The following FRMPD1 variants were observed in gnomAD, a reference collection of about 807,000 sequenced individuals.
The protein encoded by FRMPD1 is FERM and PDZ domain containing 1, also known as FERM and PDZ domain-containing protein 1.
Under a neutral mutation model 117.8 loss-of-function variants are expected in FRMPD1, and 76 were observed. That is an observed-to-expected ratio of 0.65 (90% CI 0.54 to 0.78). The LOEUF (loss-of-function observed/expected upper bound fraction) is 0.78. Ranked by LOEUF, FRMPD1 falls within the 30% of genes least tolerant of loss-of-function variation. FRMPD1 has a pLI of 0.00. For missense variants in FRMPD1, 1,786 were observed against 1,964.5 expected, an observed-to-expected ratio of 0.91 and a Z score of 1.72; for synonymous variants, 783 against 770.4, an observed-to-expected ratio of 1.02 and a Z score of -0.27.
In FRMPD1 at chr9:37,740,027, C is replaced by A. The variant is rs745750787; in HGVS notation, c.1550-51C>A. On this transcript the variant is annotated intron_variant, in intron 14 of 15. Transcript: ENST00000377765. This position sits in a 1 kb window ranked among gnomAD's most constrained non-coding sequence, Gnocchi z 4.2. ...TGGGGGTCAGGGGGCTAGAAGGACA[C>A]ATAGGTAGGAGAATTCTGTTGTGTA... 4 of 1,346,690 alleles carry A rather than the reference C, an allele frequency of 3.0e-6. No individual in the cohort carries two copies. The highest frequency in any genetic ancestry group is 4.1e-6 in the Non-Finnish European group (4 of 972,304). The allele number at this position is 1,346,690 out of a possible 1,614,324, so 83.4% of individuals were successfully genotyped here.
intron 1 of FRMPD1, among the ~76,000 whole-genome samples, chr9:37,679,054 T>C (rs1026319566): frequency 6.6e-6 from 1 of 152,224 alleles, no homozygotes; most frequent in African/African-American, 2.4e-5. Context: ...CTCCCCTCCA[T>C]GCAGCCCTCT....
rs574340055 is a variant in FRMPD1, at chr9:37,689,056, A to G, written c.-4-3582A>G. ...TCACCCTTGAATTTCTCTTCTTAGA[A>G]GCTCTTTCAACTCTTCTAGCCATTT... On this transcript the variant is annotated intron_variant, in intron 1 of 15. Coordinates refer to ENST00000377765, the MANE Select transcript of FRMPD1 (RefSeq NM_014907.3). 1.3e-4 allele frequency among the ~76,000 whole-genome samples: 20 copies of G among 152,150 alleles called. No individual in the cohort carries two copies. The South Asian group carries it at 4.1e-3, about 32-fold the overall frequency.
At chr9:37,623,039 T>C in the FRMPD1 span, among the ~76,000 whole-genome samples, 1 of 152,196 alleles carries the variant, frequency 6.6e-6, no homozygotes, top group Admixed American at 6.5e-5. Flanking sequence ...TCATACAAAA[T>C]AGGCAAATAT....
At chr9:37,678,913 T>C (rs1366773378) in intron 1 of FRMPD1, among the ~76,000 whole-genome samples, 1 of 152,182 alleles carries the variant, frequency 6.6e-6, no homozygotes, top group Non-Finnish European at 1.5e-5. Context: ...CCTTAGCTTT[T>C]CCAAGTAGGC....
chr9:37,623,026 T>A, the FRMPD1 span, among the ~76,000 whole-genome samples: 11 of 152,232 alleles, frequency 7.2e-5, no homozygotes, highest in Non-Finnish European at 1.3e-4. Flanking sequence ...TATGAAGGGA[T>A]AATCATACAA....
chr9:37,661,007 T>C (rs1820986887), intron 1 of FRMPD1, among the ~76,000 whole-genome samples: 2 of 152,242 alleles, frequency 1.3e-5, no homozygotes, highest in South Asian at 4.1e-4. Flanking sequence ...CCTCTGTGTT[T>C]CTCCATCTTA....
intron 9 of FRMPD1, 112 bp downstream of exon 9, chr9:37,731,215 CT>C: frequency 1.1e-6 from 1 of 929,966 alleles, no homozygotes; most frequent in Non-Finnish European, 1.7e-6. Context: ...TAGGGATTCT[CT>C]TTATCTGAAG....
chr9:37,708,423 T>C lies in FRMPD1; in HGVS notation c.284T>C (p.Phe95Ser). 6.2e-7 allele frequency: 1 copy of C among 1,612,718 alleles called. No homozygotes were observed. The stretch of plus-strand genomic sequence containing the variant: ...GGAGGCTCTGCTCACGGCAAGCTTT[T>C]CCCTGGTGATCAGATCCTCCAAATG... Reference protein sequence around the residue: ...TAGGSAHGKLFPGDQILQMNN... With the variant: ...TAGGSAHGKLSPGDQILQMNN... Residue 95 changes from phenylalanine (F) to serine (S), a missense_variant, in exon 4 of 16, where the codon TTC becomes TCC. Phe to Ser is a radical substitution (Grantham distance 155). Coordinates refer to ENST00000377765, the MANE Select transcript of FRMPD1 (RefSeq NM_014907.3).
intron 6 of FRMPD1, among the ~76,000 whole-genome samples, chr9:37,722,295 T>G (rs1588957195): frequency 6.7e-6 from 1 of 149,970 alleles, no homozygotes; most frequent in African/African-American, 2.5e-5. Context: ...AGCAACAGGG[T>G]GAGACTCTGT....
intron 13 of FRMPD1, among the ~76,000 whole-genome samples, 159 bp downstream of exon 13, chr9:37,735,893 G>T (rs1265889408): frequency 6.6e-6 from 1 of 152,188 alleles, no homozygotes; most frequent in Non-Finnish European, 1.5e-5. Flanking sequence ...ACGGAAAGTG[G>T]TAAATGGTAA....
chr9:37,640,016 G>A, the FRMPD1 span, among the ~76,000 whole-genome samples: 1 of 152,196 alleles, frequency 6.6e-6, no homozygotes, highest in Non-Finnish European at 1.5e-5. Flanking sequence ...TATACAGCCA[G>A]CATGAGTTTG....
At chr9:37,625,869 C>T in the FRMPD1 span, among the ~76,000 whole-genome samples, 16 of 152,226 alleles carry the variant, frequency 1.1e-4, no homozygotes, top group Non-Finnish European at 1.8e-4. Flanking sequence ...CTGTCTGCAG[C>T]GCCTCACAAG....
intron 1 of FRMPD1, among the ~76,000 whole-genome samples, chr9:37,679,793 C>T (rs1821657717): frequency 1.3e-5 from 2 of 152,174 alleles, no homozygotes; most frequent in African/African-American, 2.4e-5. Context: ...CTCCTGTCTC[C>T]CTGCACAGTG....
At chr9:37,640,232 G>A in the FRMPD1 span, among the ~76,000 whole-genome samples, 2 of 152,206 alleles carry the variant, frequency 1.3e-5, no homozygotes, top group Non-Finnish European at 2.9e-5. Flanking sequence ...AAGGGATTAT[G>A]GTTCAGTGTA....
intron 8 of FRMPD1, among the ~76,000 whole-genome samples, chr9:37,730,392 C>T (rs1296745240): frequency 2.0e-5 from 3 of 152,196 alleles, no homozygotes. Flanking sequence ...CTTTGTGAGT[C>T]TGTTACAAAG....
the FRMPD1 span, among the ~76,000 whole-genome samples, chr9:37,643,977 T>C: frequency 6.6e-6 from 1 of 152,220 alleles, no homozygotes; most frequent in Non-Finnish European, 1.5e-5. Flanking sequence ...AGAGGATTAA[T>C]AGGAGCCAAC....
At chr9:37,711,244 G>T (rs1475711677) in intron 4 of FRMPD1, 106 bp from the exon 5 acceptor site, 7 of 781,270 alleles carry the variant, frequency 9.0e-6, no homozygotes, top group Admixed American at 1.8e-5. Context: ...TACTCATTCT[G>T]CCAGTCTTTT....
At chr9:37,676,623 G>A (rs1563927185) in intron 1 of FRMPD1, among the ~76,000 whole-genome samples, 3 of 152,144 alleles carry the variant, frequency 2.0e-5, no homozygotes, top group South Asian at 2.1e-4. Context: ...AGAGGTTTCC[G>A]GATAGAATGC....
At chr9:37,734,292 G>A (rs1223404117) in intron 12 of FRMPD1, among the ~76,000 whole-genome samples, 1 of 152,176 alleles carries the variant, frequency 6.6e-6, no homozygotes, top group Non-Finnish European at 1.5e-5. Flanking sequence ...GGAGCTTTGG[G>A]TATATGAAGG....
Sources: gnomAD v4.1 joint callset for allele counts (sites outside exome capture counted in the v4.1 genomes callset) on GRCh38, gnomAD v4.1.1 for gene constraint, Gnocchi (gnomAD v3.1) non-coding constraint, MANE v1.5 for transcripts, NCBI Gene and HGNC (gene_info 2026-07-23, HGNC 2026-07-21) for gene names.